Variants in C7 observed in about 807,000 individuals in gnomAD.
C7 encodes the protein complement component C7.
C7 carries 83 observed loss-of-function variants against 104.8 expected under a neutral mutation model. The ratio of observed to expected loss-of-function variants is 0.79; its 90% CI spans 0.66 to 0.95. The LOEUF is 0.95. Ranked by LOEUF, C7 falls within the 40% of genes least tolerant of loss-of-function variation. C7 has a pLI of 0.00. For synonymous variants in C7, 415 were observed against 360.6 expected (o/e 1.15, Z -1.71); for missense variants, 1,070 against 1,011.2 (o/e 1.06, Z -0.79).
At chr5:40,914,705 A>G (rs532516540) in intron 1 of C7, among the ~76,000 whole-genome samples, 10 of 152,334 alleles carry the variant, frequency 6.6e-5, no homozygotes, top group Admixed American at 6.5e-4. Context: ...ATGCAATATT[A>G]CAAAGAGAGT....
chr5:40,981,529 ATC>A lies in C7; in HGVS notation c.2492_2493del (p.Ser831CysfsTer61). ...CGCTCTGAGATGCAGAGGGCAGAGC[ATC>A]TCTGTCACCAGCATAAGGCCTTGTG... ...AGALRCRGQSISVTSIRPCAA... is the reference protein window; with the variant it reads ...AGALRCRGQSXSVTSIRPCAA... On this transcript the variant is annotated frameshift_variant, in exon 18 of 18. Coordinates refer to ENST00000313164, the MANE Select transcript of C7 (RefSeq NM_000587.4). LOFTEE classifies it low-confidence loss of function (END_TRUNC). 6.2e-7 allele frequency: 1 copy of A among 1,613,742 alleles called. No homozygotes were observed. The highest frequency in any genetic ancestry group is 8.5e-7 in the Non-Finnish European group (1 of 1,179,720).
Position 40,964,816 on chromosome 5 carries a change from C to T in C7, c.1825C>T (p.Pro609Ser), listed in dbSNP as rs1319662771. Residue 609 changes from proline (P) to serine (S), a missense_variant, in exon 14 of 18, where the codon CCA (proline) becomes TCA (serine). By Grantham distance (74) the Pro-to-Ser change is moderately conservative. Transcript: ENST00000313164. ...CNEGYSLIGN[P>S]VARCGEDLRW... The stretch of plus-strand genomic sequence containing the variant: ...TGAAGGATACTCTCTTATTGGAAAC[C>T]CAGTGGCCAGATGTGGAGAAGATTT... The T allele has an allele frequency of 6.2e-7, 1 of 1,613,578 alleles. No individual in the cohort carries two copies. The highest frequency in any genetic ancestry group is 8.5e-7 in the Non-Finnish European group (1 of 1,179,670).
At chr5:40,950,312 T>C (rs369809856) in intron 9 of C7, among the ~76,000 whole-genome samples, 5 of 152,200 alleles carry the variant, frequency 3.3e-5, no homozygotes, top group African/African-American at 1.2e-4. Flanking sequence ...TGTTTAGTTT[T>C]CTTTTCTTGC....
chr5:40,959,631 C>A lies in C7; in HGVS notation c.1661+11C>A. On this transcript the variant is annotated intron_variant, in intron 12 of 17. Coordinates refer to ENST00000313164, the MANE Select transcript of C7 (RefSeq NM_000587.4). ...GCTGGAGCACTTGAGGTAATGGAGA[C>A]CCGACCCCCTGGCAGTTGCATAGAA... 1.3e-6 allele frequency: 2 copies of A among 1,567,480 alleles called. No homozygotes were observed. Among genetic ancestry groups the A allele is most frequent in the African/African-American group, 2.7e-5 (2 of 73,514 alleles).
chr5:40,965,760 G>A (rs539470282), intron 14 of C7, among the ~76,000 whole-genome samples: 1 of 151,414 alleles, frequency 6.6e-6, no homozygotes, highest in South Asian at 2.1e-4. Context: ...TTGTGCCTCA[G>A]CCTCTTGAAT....
intron 3 of C7, among the ~76,000 whole-genome samples, chr5:40,931,771 T>C (rs1441543143): frequency 6.6e-6 from 1 of 152,236 alleles, no homozygotes; most frequent in Admixed American, 6.5e-5. Flanking sequence ...TTTCTTTTTT[T>C]GTTTTTGAGT....
At chr5:40,965,587 T>C (rs1330610753) in intron 14 of C7, among the ~76,000 whole-genome samples, 4 of 151,616 alleles carry the variant, frequency 2.6e-5, no homozygotes, top group African/African-American at 9.7e-5. Context: ...TTGTCCTTAC[T>C]AACACTTGAT....
chr5:40,957,038 A>G (rs1252993629), intron 10 of C7, among the ~76,000 whole-genome samples: 7 of 152,250 alleles, frequency 4.6e-5, no homozygotes, highest in Admixed American at 1.3e-4. Flanking sequence ...AAAAGGCACT[A>G]TGCAGGTACA....
intron 14 of C7, among the ~76,000 whole-genome samples, chr5:40,969,481 A>G (rs1579873086): frequency 2.0e-5 from 3 of 152,186 alleles, no homozygotes; most frequent in African/African-American, 7.2e-5. Flanking sequence ...GTCAGACTTT[A>G]CGTATGAAAA....
At chr5:40,943,259 A>G (rs1739978030) in intron 6 of C7, among the ~76,000 whole-genome samples, 1 of 152,266 alleles carries the variant, frequency 6.6e-6, no homozygotes, top group African/African-American at 2.4e-5. Flanking sequence ...ACATGTTTCT[A>G]TAATGTGAAA....
Position 40,984,100 on chromosome 5 carries a change from C to G in C7, c.*2527C>G, listed in dbSNP as rs1741011337. 6.6e-6 allele frequency among the ~76,000 whole-genome samples: 1 copy of G among 152,180 alleles called. No homozygotes were observed. Among genetic ancestry groups the G allele is most frequent in the African/African-American group, 2.4e-5 (1 of 41,446 alleles). ...CAGAGAAGGTGCCTGAGAATATTTC[C>G]TAATCGTTTTGAGAAGTGCCTTCCT... On this transcript the variant is annotated 3_prime_UTR_variant, in exon 18 of 18. Coordinates refer to ENST00000313164, the MANE Select transcript of C7 (RefSeq NM_000587.4).
chr5:40,925,447 A>C (rs1043019143), intron 1 of C7, among the ~76,000 whole-genome samples: 2 of 152,172 alleles, frequency 1.3e-5, no homozygotes, highest in African/African-American at 4.8e-5. Flanking sequence ...ACAATCATTT[A>C]ACCAGTCTGT....
intron 10 of C7, among the ~76,000 whole-genome samples, chr5:40,957,359 A>G (rs1240393586): frequency 1.3e-5 from 2 of 152,232 alleles, no homozygotes; most frequent in Non-Finnish European, 2.9e-5. Context: ...GATTTCCACT[A>G]AGAGATATGT....
chr5:40,928,695 CT>C, intron 2 of C7, 60 bp downstream of exon 2: 1 of 1,047,110 alleles, frequency 9.6e-7, no homozygotes, highest in Non-Finnish European at 1.4e-6. Context: ...TTTAGTAATT[CT>C]TTAGTCTAAT....
chr5:40,959,828 G>T (rs967339956), intron 12 of C7, among the ~76,000 whole-genome samples: 5 of 152,160 alleles, frequency 3.3e-5, no homozygotes, highest in African/African-American at 1.2e-4. Context: ...CAAAAGGCTG[G>T]GTAACTGGGA....
rs369904535 is a variant in C7, at chr5:40,964,764, G to A, written c.1773G>A (p.Val591=). Residue 591 remains valine (V), a synonymous_variant, in exon 14 of 18, where the codon GTG becomes GTA. Coordinates refer to ENST00000313164, the MANE Select transcript of C7 (RefSeq NM_000587.4). ...AGGATGAAGGTACAATGTTTCCTGTGGGGAAAAATGTAGTGTACACTTGCA... is the reference window on the plus strand; with the variant it reads ...AGGATGAAGGTACAATGTTTCCTGTAGGGAAAAATGTAGTGTACACTTGCA... The part of the protein sequence containing the change: ...FVQDEGTMFP[V]GKNVVYTCNE... 1.9e-6 allele frequency: 3 copies of A among 1,612,710 alleles called. No homozygotes were observed.
intron 1 of C7, among the ~76,000 whole-genome samples, chr5:40,922,063 C>G (rs1278811542): frequency 6.7e-6 from 1 of 149,724 alleles, no homozygotes; most frequent in East Asian, 2.0e-4. Flanking sequence ...AACAAACAAA[C>G]AAACAAAAAC....
Position 40,939,313 on chromosome 5 carries a change from G to A in C7, c.567+1623G>A, listed in dbSNP as rs1431437216. On this transcript the variant is annotated intron_variant, in intron 6 of 17. Coordinates refer to ENST00000313164, the MANE Select transcript of C7 (RefSeq NM_000587.4). ...TACCAGTTTTTGAATACCTACTGTG[G>A]CATCTACACTATTTTAGGTGATTAG... Among the ~76,000 whole-genome samples, 3 of 151,334 alleles carry A rather than the reference G, an allele frequency of 2.0e-5. No homozygotes were observed. In the East Asian group the frequency reaches 5.9e-4, roughly 30 times the overall value.
In C7 at chr5:40,955,493, A is replaced by C. The variant is rs1444397434; in HGVS notation, c.1200A>C (p.Lys400Asn). 1 of 1,613,684 alleles carries C rather than the reference A, an allele frequency of 6.2e-7. No individual in the cohort carries two copies. Among genetic ancestry groups the C allele is most frequent in the Admixed American group, 1.7e-5 (1 of 59,982 alleles). ...AGCTGGACAATCCTGCTGGAAACAA[A>C]AGGCGATATTCTGCCTGGGCAGAAT... is the stretch of plus-strand genomic sequence containing the variant. ...YLELDNPAGN[K>N]RRYSAWAESV... Residue 400 changes from lysine to asparagine, a missense_variant, in exon 10 of 18, where the codon AAA (lysine) becomes AAC (asparagine). Lys to Asn is a moderately conservative substitution (Grantham distance 94). Coordinates refer to ENST00000313164, the MANE Select transcript of C7 (RefSeq NM_000587.4).
Sources: allele counts gnomAD v4.1 joint callset (sites outside exome capture counted in the v4.1 genomes callset), GRCh38; gene constraint gnomAD v4.1.1; transcripts MANE v1.5; gene names NCBI Gene and HGNC (gene_info 2026-07-23, HGNC 2026-07-21).